INSC: variants seen among roughly 807,000 people sequenced by gnomAD.
INSC encodes the protein INSC spindle orientation adaptor protein, also known as protein inscuteable homolog.
Under a neutral mutation model 58.6 loss-of-function variants are expected in INSC, and 67 were observed. The ratio of observed to expected loss-of-function variants is 1.14; its 90% CI spans 0.94 to 1.40. The LOEUF is 1.40. Ranked by LOEUF, INSC falls within the 40% of genes most tolerant of loss-of-function variation. INSC has a pLI of 0.00. For missense variants in INSC, 714 were observed against 692.0 expected (o/e 1.03, Z -0.36); for synonymous variants, 262 against 276.1 (o/e 0.95, Z 0.51).
intron 1 of INSC, among the ~76,000 whole-genome samples, chr11:15,148,833 G>A (rs146483299): frequency 2.6e-4 from 40 of 152,294 alleles, no homozygotes; most frequent in Non-Finnish European, 4.4e-4. Flanking sequence ...ATACGTATGG[G>A]CTGTGTGTCC....
At chr11:15,138,695 TA>T (rs1338744365) in intron 1 of INSC, among the ~76,000 whole-genome samples, 3 of 152,248 alleles carry the variant, frequency 2.0e-5, no homozygotes, top group Non-Finnish European at 4.4e-5. Flanking sequence ...GGAGTACCAT[TA>T]ACTAGCCTGC....
At chr11:15,168,499 A>T (rs1849279861) in intron 2 of INSC, among the ~76,000 whole-genome samples, 1 of 152,176 alleles carries the variant, frequency 6.6e-6, no homozygotes, top group South Asian at 2.1e-4. Context: ...AGTCATTATT[A>T]TATTTCTAGT....
At chr11:15,229,984 TATATA>T (rs1564917338) in intron 9 of INSC, among the ~76,000 whole-genome samples, 1,272 of 24,090 alleles carry the variant, frequency 0.053, 32 homozygotes, top group Non-Finnish European at 0.071. Context: ...ATATATTATA[TATATA>T]TATATATATA....
intron 2 of INSC, among the ~76,000 whole-genome samples, chr11:15,155,805 T>A (rs1258607658): frequency 6.6e-6 from 1 of 152,206 alleles, no homozygotes; most frequent in African/African-American, 2.4e-5. Context: ...AGGCATAGAT[T>A]TCCACAAACT....
chr11:15,147,029 A>G (rs1027395082), intron 1 of INSC, among the ~76,000 whole-genome samples: 3 of 152,054 alleles, frequency 2.0e-5, no homozygotes, highest in Non-Finnish European at 4.4e-5. Context: ...TCTAATCCCC[A>G]CTTCAATATT....
At chr11:15,161,697 T>C (rs1849025393) in intron 2 of INSC, among the ~76,000 whole-genome samples, 1 of 152,116 alleles carries the variant, frequency 6.6e-6, no homozygotes, top group African/African-American at 2.4e-5. Context: ...TTGGAGTGCT[T>C]AGGGGTGGAG....
chr11:15,206,893 C>T (rs990675050), intron 7 of INSC, among the ~76,000 whole-genome samples: 15 of 152,144 alleles, frequency 9.9e-5, no homozygotes, highest in Non-Finnish European at 2.1e-4. Flanking sequence ...CCTCCCATGC[C>T]CATTTGTCTC....
chr11:15,211,146 T>C (rs184661855), intron 7 of INSC, among the ~76,000 whole-genome samples: 67 of 151,918 alleles, frequency 4.4e-4, no homozygotes, highest in African/African-American at 1.5e-3. Flanking sequence ...TCCAAAGGAG[T>C]GTTTCGTTCT....
At chr11:15,150,543 A>G (rs16931076) in intron 2 of INSC, among the ~76,000 whole-genome samples, 5,165 of 152,332 alleles carry the variant, frequency 0.034, 280 homozygotes, top group African/African-American at 0.12. Context: ...AGCATCCAGC[A>G]GCCTGGGTAA....
chr11:15,156,549 AGC>A (rs1848820844), intron 2 of INSC, among the ~76,000 whole-genome samples: 1 of 152,246 alleles, frequency 6.6e-6, no homozygotes, highest in Admixed American at 6.5e-5. Context: ...GGGTTAATTA[AGC>A]CATTAAGATT....
chr11:15,161,498 C>T (rs2133785434), intron 2 of INSC, among the ~76,000 whole-genome samples: 2 of 152,200 alleles, frequency 1.3e-5, no homozygotes, highest in South Asian at 4.2e-4. Flanking sequence ...CAGAGAAGCT[C>T]AGAGGAAAAG....
chr11:15,114,867 C>A, upstream of INSC: 1 of 753,014 alleles, frequency 1.3e-6, no homozygotes, highest in Non-Finnish European at 1.5e-6. Flanking sequence ...GAGAACGGGG[C>A]GGGGGGTGGG....
At position 15,149,139 on chromosome 11, in the gene INSC, C is replaced by A; in HGVS notation, c.-36C>A. 2 of 1,608,050 alleles carry A rather than the reference C, an allele frequency of 1.2e-6. No homozygotes were observed. The highest frequency in any genetic ancestry group is 1.7e-6 in the Non-Finnish European group (2 of 1,177,208). On this transcript the variant is annotated 5_prime_UTR_variant, in exon 2 of 13. Coordinates refer to ENST00000379556, the MANE Select transcript of INSC (RefSeq NM_001042536.3). Reference sequence around the variant, plus strand: ...TGCCCTCTATTTTCAGGGTCACGACCGCTGCAAGCAGGCTTTGCTGCAGAT... The same window carrying A: ...TGCCCTCTATTTTCAGGGTCACGACAGCTGCAAGCAGGCTTTGCTGCAGAT...
At chr11:15,191,827 G>A (rs1465369077) in intron 6 of INSC, among the ~76,000 whole-genome samples, 1 of 152,182 alleles carries the variant, frequency 6.6e-6, no homozygotes, top group African/African-American at 2.4e-5. Context: ...GTGAACCTCA[G>A]CATCTGCCTA....
At chr11:15,196,317 T>C (rs1466618485) in intron 6 of INSC, among the ~76,000 whole-genome samples, 3 of 152,234 alleles carry the variant, frequency 2.0e-5, no homozygotes, top group Non-Finnish European at 2.9e-5. Context: ...AGTATATCAG[T>C]GACCCTGTTT....
At chr11:15,137,919 T>G (rs994399985) in intron 1 of INSC, among the ~76,000 whole-genome samples, 5 of 152,254 alleles carry the variant, frequency 3.3e-5, no homozygotes, top group Non-Finnish European at 7.3e-5. Flanking sequence ...GCTTTTGACA[T>G]GCTGTCCTCA....
intron 6 of INSC, among the ~76,000 whole-genome samples, chr11:15,191,268 C>T (rs2097168): frequency 0.011 from 1,734 of 152,262 alleles, 34 homozygotes; most frequent in African/African-American, 0.04. Flanking sequence ...CGTGAGCCAC[C>T]GTGCCCGGCC....
chr11:15,216,937 A>T (rs1004900953), intron 7 of INSC, among the ~76,000 whole-genome samples: 3 of 152,198 alleles, frequency 2.0e-5, no homozygotes, highest in Admixed American at 6.5e-5. Context: ...CTCATTTAAT[A>T]ATTCCAATGG....
the INSC span, among the ~76,000 whole-genome samples, chr11:15,253,719 G>A: frequency 6.6e-6 from 1 of 152,012 alleles, no homozygotes; most frequent in African/African-American, 2.4e-5. Flanking sequence ...TCAAGCCCTG[G>A]ATGAGATTTA....
Sources: allele counts gnomAD v4.1 joint callset (sites outside exome capture counted in the v4.1 genomes callset), GRCh38; gene constraint gnomAD v4.1.1; transcripts MANE v1.5; gene names NCBI Gene and HGNC (gene_info 2026-07-23, HGNC 2026-07-21).